SHISAL2A: variants seen among roughly 807,000 people sequenced by gnomAD.
SHISAL2A encodes the protein shisa like 2A.
In SHISAL2A, 18 loss-of-function variants were observed where a neutral mutation model predicts 11.5. The observed-to-expected ratio is 1.57, with a 90% CI of 1.08 to 2.33. SHISAL2A has a LOEUF of 2.33. SHISAL2A is among the 30% of genes most tolerant of loss of function. The pLI is 0.00. For synonymous variants in SHISAL2A, 94 were observed against 99.6 expected, an observed-to-expected ratio of 0.94 and a Z score of 0.34; for missense variants, 261 against 250.9, an observed-to-expected ratio of 1.04 and a Z score of -0.27.
chr1:52,636,604 G>A (rs974326237), intron 1 of SHISAL2A, among the ~76,000 whole-genome samples: 1 of 152,330 alleles, frequency 6.6e-6, no homozygotes, highest in East Asian at 1.9e-4. Context: ...CAGTGTGGAA[G>A]TGAATTGTCC....
chr1:52,654,185 A>G (rs1027197042), intron 2 of SHISAL2A, among the ~76,000 whole-genome samples: 1 of 151,976 alleles, frequency 6.6e-6, no homozygotes, highest in Admixed American at 6.6e-5. Flanking sequence ...TGTGGGGATT[A>G]CAAGTGTGAG....
chr1:52,666,461 A>C (rs1013939719), intron 4 of SHISAL2A, among the ~76,000 whole-genome samples: 6 of 151,914 alleles, frequency 3.9e-5, no homozygotes, highest in African/African-American at 1.5e-4. Flanking sequence ...CAAATTAATT[A>C]ATTAATTAAT....
chr1:52,665,284 G>A (rs1691990677), intron 4 of SHISAL2A, among the ~76,000 whole-genome samples: 2 of 152,150 alleles, frequency 1.3e-5, no homozygotes, highest in African/African-American at 2.4e-5. Flanking sequence ...CTGTAATTGT[G>A]GAATCTTGAG....
downstream of SHISAL2A, among the ~76,000 whole-genome samples, chr1:52,660,484 G>A (rs796191052): frequency 2.0e-5 from 3 of 152,268 alleles, no homozygotes; most frequent in African/African-American, 7.2e-5. Context: ...GGGCTGATAC[G>A]CAGACAGAAA....
chr1:52,659,285 C>G (rs1200575935), downstream of SHISAL2A: 4 of 152,542 alleles, frequency 2.6e-5, no homozygotes, highest in East Asian at 7.7e-4. Flanking sequence ...CCTAGGCTAG[C>G]CTTGAACGTG....
chr1:52,667,332 T>C, intron 4 of SHISAL2A: 1 of 842,232 alleles, frequency 1.2e-6, no homozygotes, highest in Non-Finnish European at 1.4e-6. Flanking sequence ...TAGCTCTTGC[T>C]GGGAATGTTT....
At chr1:52,641,449 A>G (rs1365954576) in intron 1 of SHISAL2A, among the ~76,000 whole-genome samples, 2 of 152,308 alleles carry the variant, frequency 1.3e-5, no homozygotes, top group Middle Eastern at 3.4e-3. Context: ...CCCCCCATAC[A>G]TCTGGTGTCA....
At chr1:52,663,754 T>C (rs1285345167) in intron 4 of SHISAL2A, among the ~76,000 whole-genome samples, 1 of 152,008 alleles carries the variant, frequency 6.6e-6, no homozygotes, top group Non-Finnish European at 1.5e-5. Context: ...AGAGCGAAAC[T>C]GCGTCTAAAA....
At position 52,642,750 on chromosome 1, in the gene SHISAL2A, C is replaced by T. The variant is rs1456455628; in HGVS notation, c.183-113C>T. On this transcript the variant is annotated intron_variant, in intron 1 of 2. Transcript: ENST00000517870. ...AAAATTTTTTTTAAATATTTTTATTCTGTACATTTTCTTCCCAGCAGGCTC... is the reference window on the plus strand; with the variant it reads ...AAAATTTTTTTTAAATATTTTTATTTTGTACATTTTCTTCCCAGCAGGCTC... 1.7e-5 allele frequency: 19 copies of T among 1,112,106 alleles called. No individual in the cohort carries two copies. In the South Asian group the frequency reaches 1.9e-4, roughly 11 times the overall value. The allele number at this position is 1,112,106 out of a possible 1,614,324, so 68.9% of individuals were successfully genotyped here.
rs541992116 is a variant in SHISAL2A at position 52,639,730 on chromosome 1, G to A, written c.183-3133G>A. On this transcript the variant is annotated intron_variant, in intron 1 of 2. Transcript: ENST00000517870. ...ATTGCACCACTGCACTCCAGCCGGGGCGACAGAGTGAGACTCCATCTCAAA... is the reference window on the plus strand; with the variant it reads ...ATTGCACCACTGCACTCCAGCCGGGACGACAGAGTGAGACTCCATCTCAAA... Among the ~76,000 whole-genome samples, 333 of 152,234 alleles carry A rather than the reference G, an allele frequency of 2.2e-3. 3 individuals are homozygous for A. The highest frequency in any genetic ancestry group is 7.6e-3 in the African/African-American group (317 of 41,536).
Position 52,633,944 on chromosome 1 carries a change from A to T in SHISAL2A, c.182+269A>T, listed in dbSNP as rs1057073245. Among the ~76,000 whole-genome samples the T allele has an allele frequency of 6.6e-5, 10 of 151,046 alleles. No individual in the cohort carries two copies. Among genetic ancestry groups the T allele is most frequent in the African/African-American group, 2.4e-4 (10 of 41,002 alleles). ...TCACTCTATCCCCACCCCAAACTTC[A>T]TTCCATCACCACCCTCATCCCAACC... On this transcript the variant is annotated intron_variant, in intron 1 of 2. Transcript: ENST00000517870. The surrounding 1 kb of genome is among the most constrained non-coding windows in gnomAD (Gnocchi z 6.4).
chr1:52,660,109 G>A (rs1471530182), downstream of SHISAL2A, among the ~76,000 whole-genome samples: 1 of 152,178 alleles, frequency 6.6e-6, no homozygotes, highest in Non-Finnish European at 1.5e-5. Context: ...TGATGCTGAT[G>A]ATGCTGGTCT....
chr1:52,651,694 G>C (rs1021643514), intron 2 of SHISAL2A, among the ~76,000 whole-genome samples: 2 of 152,160 alleles, frequency 1.3e-5, no homozygotes, highest in Admixed American at 6.5e-5. Context: ...GTTTTACAGG[G>C]ACCAAGTTTC....
In SHISAL2A at chr1:52,633,236, C is replaced by A. The variant is rs2149868823; in HGVS notation, c.-258C>A. ...CGCTCCGGCTCCTGCCGCGTTCCAGCAGCCGTCACTCCCGCCGCCGGCCCC... is the reference window on the plus strand; with the variant it reads ...CGCTCCGGCTCCTGCCGCGTTCCAGAAGCCGTCACTCCCGCCGCCGGCCCC... On this transcript the variant is annotated 5_prime_UTR_variant, in exon 1 of 3. Coordinates refer to ENST00000517870, the MANE Select transcript of SHISAL2A (RefSeq NM_001042693.3). This position sits in a 1 kb window ranked among gnomAD's most constrained non-coding sequence, Gnocchi z 6.4. The A allele has an allele frequency of 3.2e-6, 1 of 308,188 alleles. No individual in the cohort carries two copies. Among genetic ancestry groups the A allele is most frequent in the Non-Finnish European group, 5.9e-6 (1 of 169,608 alleles). 19.1% of individuals were successfully genotyped at this position (308,188 alleles called of 1,614,324 possible).
At chr1:52,648,873 C>T (rs7523963) in intron 2 of SHISAL2A, among the ~76,000 whole-genome samples, 4,965 of 152,034 alleles carry the variant, frequency 0.033, 145 homozygotes, top group Middle Eastern at 0.11. Context: ...CTGGCTCAAG[C>T]GGAATACAGT....
chr1:52,643,111 G>C, intron 2 of SHISAL2A, 109 bp downstream of exon 2: 2 of 1,096,594 alleles, frequency 1.8e-6, no homozygotes, highest in Non-Finnish European at 2.7e-6. Flanking sequence ...ACTATTCCTG[G>C]AATATGCAGA....
At chr1:52,664,785 T>G (rs947223932) in intron 4 of SHISAL2A, among the ~76,000 whole-genome samples, 8 of 152,040 alleles carry the variant, frequency 5.3e-5, no homozygotes, top group Non-Finnish European at 8.8e-5. Context: ...CATGAGCCGC[T>G]GCACCCCGGC....
At chr1:52,662,553 G>C (rs982091677) in intron 4 of SHISAL2A, among the ~76,000 whole-genome samples, 1 of 148,072 alleles carries the variant, frequency 6.8e-6, no homozygotes, top group African/African-American at 2.5e-5. Flanking sequence ...GTTTTACCGT[G>C]TTGGCCAGGC....
chr1:52,640,485 C>T (rs1691338343), intron 1 of SHISAL2A, among the ~76,000 whole-genome samples: 1 of 151,958 alleles, frequency 6.6e-6, no homozygotes, highest in South Asian at 2.1e-4. Context: ...TGGTCTTGGC[C>T]GGACACGGTA....
Sources: gnomAD v4.1 joint callset for allele counts (sites outside exome capture counted in the v4.1 genomes callset) on GRCh38, gnomAD v4.1.1 for gene constraint, Gnocchi (gnomAD v3.1) non-coding constraint, MANE v1.5 for transcripts, NCBI Gene and HGNC (gene_info 2026-07-23, HGNC 2026-07-21) for gene names.